The following NAV3 variants were observed in gnomAD, a reference collection of about 807,000 sequenced individuals.
NAV3 encodes the protein neuron navigator 3, also known as pore membrane and/or filament interacting like protein 1.
NAV3 carries 87 observed loss-of-function variants against 244.7 expected under a neutral mutation model. The ratio of observed to expected loss-of-function variants is 0.36; its 90% confidence interval spans 0.30 to 0.42. NAV3 has a LOEUF of 0.42. Ranked by LOEUF, NAV3 falls within the 20% of genes least tolerant of loss-of-function variation. The probability of loss-of-function intolerance (pLI) is 1.00; values close to 1 mark genes in which losing one functional copy is unlikely to be tolerated. For missense variants in NAV3, 2,663 were observed against 2,893.3 expected (o/e 0.92, Z 1.83); for synonymous variants, 1,126 against 1,042.2 (o/e 1.08, Z -1.55).
At chr12:77,727,096 A>C (rs1401287199) in intron 2 of NAV3, among the ~76,000 whole-genome samples, 13 of 151,950 alleles carry the variant, frequency 8.6e-5, no homozygotes. Context: ...AGGAATATCC[A>C]CAGATTTGTC....
chr12:77,957,117 A>G (rs190805164), intron 3 of NAV3, among the ~76,000 whole-genome samples: 1 of 152,282 alleles, frequency 6.6e-6, no homozygotes, highest in East Asian at 1.9e-4. Flanking sequence ...TAATAACTCC[A>G]TTCTCCTCGC....
In NAV3 at chr12:78,050,647, GA is replaced by G. The variant is rs1475078377; in HGVS notation, c.2133-115del. The stretch of plus-strand genomic sequence containing the variant: ...AATGAATATAGAGTTTAGCTTTCGG[GA>G]AGATGACGTGTTTATAAGAGATGAC... On this transcript the variant is annotated intron_variant, in intron 10 of 39. Transcript: ENST00000397909. The G allele has an allele frequency of 2.9e-6, 3 of 1,050,318 alleles. No individual in the cohort carries two copies. The African/African-American group carries it at 4.8e-5, about 17-fold the overall frequency. 65.1% of individuals were successfully genotyped at this position (1,050,318 alleles called of 1,614,324 possible). A position where few individuals can be genotyped will look rare whatever the true frequency, so the allele number is the denominator to read the frequency against.
rs1043532227 is a variant in NAV3 at position 77,936,002 on chromosome 12, G to C, written c.244-4317G>C. On this transcript the variant is annotated intron_variant, in intron 1 of 39. Coordinates refer to ENST00000397909, the MANE Select transcript of NAV3 (RefSeq NM_001024383.2). The stretch of plus-strand genomic sequence containing the variant: ...GGAATTACAATTCAACATGAGATTT[G>C]GGTGGGGACACAGAGCTAAACCGTA... Among the ~76,000 whole-genome samples, 10 of 152,260 alleles carry C rather than the reference G, an allele frequency of 6.6e-5. No homozygotes were observed. In the East Asian group the frequency reaches 1.9e-3, roughly 29 times the overall value.
chr12:77,923,945 T>A (rs1416023351), intron 1 of NAV3, among the ~76,000 whole-genome samples: 2 of 152,102 alleles, frequency 1.3e-5, no homozygotes, highest in Non-Finnish European at 2.9e-5. Flanking sequence ...GGGAATGGAT[T>A]TTTAGCTCTC....
intron 2 of NAV3, among the ~76,000 whole-genome samples, chr12:77,739,649 A>G (rs1240926094): frequency 2.0e-5 from 3 of 152,204 alleles, no homozygotes; most frequent in Admixed American, 6.5e-5. Context: ...ACATCCACCT[A>G]AAGCATAACT....
intron 12 of NAV3, among the ~76,000 whole-genome samples, chr12:78,095,573 A>G (rs943553499): frequency 2.0e-5 from 3 of 152,190 alleles, no homozygotes; most frequent in African/African-American, 7.2e-5. Context: ...TTGAGGGTGC[A>G]TTGCAAATCC....
chr12:77,946,819 A>G (rs921929492), intron 3 of NAV3, among the ~76,000 whole-genome samples: 3 of 152,202 alleles, frequency 2.0e-5, no homozygotes, highest in African/African-American at 4.8e-5. Flanking sequence ...TTAGACATGT[A>G]GGGTAAAAGT....
intron 3 of NAV3, among the ~76,000 whole-genome samples, chr12:77,949,082 A>G (rs1285451343): frequency 6.6e-6 from 1 of 152,066 alleles, no homozygotes; most frequent in Non-Finnish European, 1.5e-5. Context: ...AAATATATTG[A>G]CATTCCTTGT....
At chr12:78,094,169 A>T (rs1954111156) in intron 12 of NAV3, among the ~76,000 whole-genome samples, 2 of 152,292 alleles carry the variant, frequency 1.3e-5, no homozygotes, top group Admixed American at 6.5e-5. Context: ...AATTTCTAAC[A>T]TATCAATTTT....
In NAV3 at chr12:78,200,313, G is replaced by A. The variant is rs1302947533; in HGVS notation, c.6716-160G>A. On this transcript the variant is annotated intron_variant, in intron 37 of 39. Coordinates refer to ENST00000397909, the MANE Select transcript of NAV3 (RefSeq NM_001024383.2). The stretch of plus-strand genomic sequence containing the variant: ...AAAGATAGAATAGGCTAGGATATTG[G>A]GTCTTCAGTAAACATGCTTTAATAA... 1.1e-4 allele frequency among the ~76,000 whole-genome samples: 17 copies of A among 151,968 alleles called. No homozygotes were observed. The East Asian group carries it at 3.1e-3, about 28-fold the overall frequency.
At chr12:77,988,964 G>C (rs1484574956) in intron 5 of NAV3, among the ~76,000 whole-genome samples, 1 of 152,068 alleles carries the variant, frequency 6.6e-6, no homozygotes, top group Non-Finnish European at 1.5e-5. Context: ...AAAAATAAAG[G>C]AGCTATTGAG....
At chr12:78,052,684 C>G (rs1882934244) in intron 11 of NAV3, among the ~76,000 whole-genome samples, 1 of 152,014 alleles carries the variant, frequency 6.6e-6, no homozygotes, top group South Asian at 2.1e-4. Context: ...TTTAACATAG[C>G]CTAGGAGGCA....
chr12:77,627,258 T>C (rs532594301), intron 2 of NAV3, among the ~76,000 whole-genome samples: 3 of 152,110 alleles, frequency 2.0e-5, no homozygotes, highest in East Asian at 3.9e-4. Flanking sequence ...TCAGACAAAA[T>C]AGACTTTAAG....
chr12:77,757,029 A>G (rs1380493034), intron 2 of NAV3, among the ~76,000 whole-genome samples: 1 of 152,180 alleles, frequency 6.6e-6, no homozygotes, highest in Non-Finnish European at 1.5e-5. Flanking sequence ...TGCTAGGTAT[A>G]ACAGTAACAA....
intron 1 of NAV3, among the ~76,000 whole-genome samples, chr12:77,938,329 A>G (rs1889524476): frequency 6.6e-6 from 1 of 152,330 alleles, no homozygotes; most frequent in African/African-American, 2.4e-5. Flanking sequence ...AAATAAAAGC[A>G]TCCACCTAAA....
intron 2 of NAV3, among the ~76,000 whole-genome samples, chr12:77,789,359 T>C (rs1871063729): frequency 6.6e-6 from 1 of 152,172 alleles, no homozygotes; most frequent in Non-Finnish European, 1.5e-5. Context: ...CTTCTTTCTT[T>C]TCCCCAAAAC....
Position 77,732,675 on chromosome 12 carries a change from C to T in NAV3, c.72+160409C>T, listed in dbSNP as rs139926519. ...TTCATTCCCATTTTGCAAATGGTAA[C>T]AATGAGGCACATATAGTTTAACTGG... On this transcript the variant is annotated intron_variant, in intron 2 of 8. Coordinates refer to the NAV3 transcript ENST00000550042. Among the ~76,000 whole-genome samples the T allele has an allele frequency of 1.7e-3, 261 of 152,084 alleles. 7 individuals carry two copies. Among genetic ancestry groups the T allele is most frequent in the African/African-American group, 5.9e-3 (245 of 41,494 alleles).
At chr12:78,039,196 G>T (rs1014376156) in intron 9 of NAV3, among the ~76,000 whole-genome samples, 1 of 152,084 alleles carries the variant, frequency 6.6e-6, no homozygotes, top group Non-Finnish European at 1.5e-5. Flanking sequence ...AATGATCCAT[G>T]TTAAGTTGTT....
chr12:77,602,532 G>A (rs1870482966), intron 2 of NAV3, among the ~76,000 whole-genome samples: 1 of 151,932 alleles, frequency 6.6e-6, no homozygotes, highest in Admixed American at 6.6e-5. Flanking sequence ...GAACTAAAGA[G>A]GGGATTAATA....
Sources: allele counts gnomAD v4.1 joint callset (sites outside exome capture counted in the v4.1 genomes callset), GRCh38; gene constraint gnomAD v4.1.1; transcripts MANE v1.5; gene names NCBI Gene and HGNC (gene_info 2026-07-23, HGNC 2026-07-21).